Variants in DCDC1 observed in about 807,000 individuals in gnomAD.
The protein encoded by DCDC1 is doublecortin domain containing 1, also known as doublecortin domain-containing protein 1.
Under a neutral mutation model 178.3 loss-of-function variants are expected in DCDC1, and 200 were observed. The ratio of observed to expected loss-of-function variants is 1.12; its 90% CI spans 1.00 to 1.26. The LOEUF is 1.26. Ranked by LOEUF, DCDC1 falls within the 50% of genes most tolerant of loss-of-function variation. The pLI is 0.00. For missense variants in DCDC1, 1,983 were observed against 1,749.2 expected (o/e 1.13, Z -2.38); for synonymous variants, 690 against 604.8 (o/e 1.14, Z -2.07).
In DCDC1 at chr11:30,892,887, T is replaced by G. The variant is rs747913513; in HGVS notation, c.5013A>C (p.Arg1671=). ...SNLYKQPNTK[R]VWIYLNGGRP... Reference sequence around the variant, plus strand: ...TGCCTCCATTTAGATAAATCCACACTCGTTTTGTGTTGGGCTGCTTATACA... The same window carrying G: ...TGCCTCCATTTAGATAAATCCACACGCGTTTTGTGTTGGGCTGCTTATACA... Residue 1671 remains arginine, a synonymous_variant, in exon 36 of 39, where the codon CGA becomes CGC. Transcript: ENST00000684477. 1.2e-6 allele frequency: 2 copies of G among 1,613,888 alleles called. No homozygotes were observed. The highest frequency in any genetic ancestry group is 1.7e-6 in the Non-Finnish European group (2 of 1,179,832).
chr11:31,289,999 T>C (rs757558423), intron 7 of DCDC1, among the ~76,000 whole-genome samples: 10 of 152,040 alleles, frequency 6.6e-5, no homozygotes, highest in Non-Finnish European at 1.3e-4. Flanking sequence ...AAAAAATGTA[T>C]GTGTGTTTCA....
At chr11:30,916,635 GA>G (rs201284625) in intron 26 of DCDC1, among the ~76,000 whole-genome samples, 1 of 151,886 alleles carries the variant, frequency 6.6e-6, no homozygotes, top group Non-Finnish European at 1.5e-5. Context: ...CTGTTTAATA[GA>G]AAAAAACACA....
At chr11:31,330,107 T>C (rs1406082242) in intron 2 of DCDC1, among the ~76,000 whole-genome samples, 2 of 152,178 alleles carry the variant, frequency 1.3e-5, no homozygotes, top group Admixed American at 1.3e-4. Context: ...TGGTGTGAGA[T>C]GGTATCTCAT....
At chr11:31,138,893 C>A (rs1963484231) in intron 9 of DCDC1, among the ~76,000 whole-genome samples, 1 of 152,072 alleles carries the variant, frequency 6.6e-6, no homozygotes. Flanking sequence ...TGAGACACAG[C>A]TAAGTATATC....
intron 36 of DCDC1, among the ~76,000 whole-genome samples, chr11:30,890,886 C>T (rs1943713949): frequency 6.6e-6 from 1 of 152,088 alleles, no homozygotes; most frequent in African/African-American, 2.4e-5. Flanking sequence ...TAATCAACTC[C>T]CTATTGATGA....
chr11:30,986,336 C>CTT (rs1165693386), intron 20 of DCDC1, among the ~76,000 whole-genome samples: 25 of 139,940 alleles, frequency 1.8e-4, no homozygotes, highest in Non-Finnish European at 2.9e-4. Context: ...TTCTCTCTCT[C>CTT]TTTTTTTTTT....
At chr11:31,113,460 C>A (rs1959307821) in intron 11 of DCDC1, among the ~76,000 whole-genome samples, 1 of 141,890 alleles carries the variant, frequency 7.0e-6, no homozygotes, top group Non-Finnish European at 1.5e-5. Context: ...CAACGACAGG[C>A]CCCAGTGTGT....
chr11:30,907,264 AC>A (rs1342747828), intron 29 of DCDC1, among the ~76,000 whole-genome samples: 1 of 152,236 alleles, frequency 6.6e-6, no homozygotes, highest in Non-Finnish European at 1.5e-5. Context: ...CTTTTCGGAG[AC>A]TGTTGGAAGT....
At chr11:31,129,554 A>G (rs1033004940) in intron 10 of DCDC1, among the ~76,000 whole-genome samples, 8 of 152,166 alleles carry the variant, frequency 5.3e-5, no homozygotes, top group Non-Finnish European at 8.8e-5. Flanking sequence ...GTTGAAATAA[A>G]ACTTTATTTA....
chr11:31,160,360 A>G (rs965722361), intron 9 of DCDC1, among the ~76,000 whole-genome samples: 1 of 152,150 alleles, frequency 6.6e-6, no homozygotes, highest in East Asian at 1.9e-4. Flanking sequence ...TTTGTTTCTA[A>G]TAACCCTTTA....
chr11:31,326,516 G>GT (rs1162792480), intron 3 of DCDC1, among the ~76,000 whole-genome samples: 3 of 152,152 alleles, frequency 2.0e-5, no homozygotes, highest in South Asian at 2.1e-4. Context: ...ATTGGCATTT[G>GT]TATAAAGGAA....
chr11:30,945,656 G>A (rs1199964640), intron 21 of DCDC1, among the ~76,000 whole-genome samples: 1 of 152,006 alleles, frequency 6.6e-6, no homozygotes, highest in Admixed American at 6.6e-5. Flanking sequence ...AGGTGCCATT[G>A]CACTTCAGCC....
Position 30,886,542 on chromosome 11 carries a change from C to A in DCDC1, c.5083-5234G>T, listed in dbSNP as rs538830978. ...TTTTCTAACTTGTAGACAGCCATCT[C>A]CTTGTTGTGTCCTGATATGGCAGAG... On this transcript the variant is annotated intron_variant, in intron 36 of 38. Transcript: ENST00000684477. Among the ~76,000 whole-genome samples, 672 of 152,192 alleles carry A rather than the reference C, an allele frequency of 4.4e-3. 2 individuals carry two copies. Among genetic ancestry groups the A allele is most frequent in the African/African-American group, 0.016 (652 of 41,510 alleles).
At chr11:31,107,088 G>A (rs941822848) in intron 12 of DCDC1, 128 bp from the exon 13 acceptor site, 21 of 599,766 alleles carry the variant, frequency 3.5e-5, no homozygotes, top group Non-Finnish European at 4.7e-5. Context: ...AATTCATATA[G>A]AATGTTAAAA....
intron 25 of DCDC1, among the ~76,000 whole-genome samples, chr11:30,917,555 T>A (rs1342634812): frequency 6.6e-6 from 1 of 152,228 alleles, no homozygotes; most frequent in African/African-American, 2.4e-5. Context: ...TGATAGAGAA[T>A]AATATACTAA....
chr11:31,062,118 C>T (rs539640755), intron 20 of DCDC1, among the ~76,000 whole-genome samples: 26 of 152,068 alleles, frequency 1.7e-4, no homozygotes, highest in Non-Finnish European at 3.4e-4. Context: ...GGCAAATACA[C>T]AAACCCCATA....
At chr11:30,915,388 C>A in intron 27 of DCDC1, 123 bp downstream of exon 27, 2 of 998,490 alleles carry the variant, frequency 2.0e-6, no homozygotes, top group East Asian at 5.1e-5. Context: ...GAATTATCAG[C>A]TAAGTTAAAT....
chr11:31,146,162 T>C (rs1426139190), intron 9 of DCDC1, among the ~76,000 whole-genome samples: 1 of 148,548 alleles, frequency 6.7e-6, no homozygotes, highest in Non-Finnish European at 1.5e-5. Flanking sequence ...AACCTCCGCC[T>C]CCCAGGTTCA....
rs772117970 is a variant in DCDC1 at position 30,905,019 on chromosome 11, T to C, written c.4250A>G (p.Tyr1417Cys). The part of the protein sequence containing the change: ...THQKAVKIIA[Y>C]KNGDGYRNGK... ...ATTACGATACCCATCCCCATTTTTG[T>C]ATGCAATTATTTTCACTGCCTTCTG... The change falls in exon 31 of 39, where the codon TAC becomes TGC. Residue 1417 changes from tyrosine to cysteine, a missense_variant. Physicochemically the swap from Tyr to Cys is radical, Grantham distance 194. Transcript: ENST00000684477. The C allele has an allele frequency of 2.5e-5, 40 of 1,613,892 alleles. No individual in the cohort carries two copies. Among genetic ancestry groups the C allele is most frequent in the Non-Finnish European group, 3.3e-5 (39 of 1,179,794 alleles).
Sources: gnomAD v4.1 joint callset for allele counts (sites outside exome capture counted in the v4.1 genomes callset) on GRCh38, gnomAD v4.1.1 for gene constraint, MANE v1.5 for transcripts, NCBI Gene and HGNC (gene_info 2026-07-23, HGNC 2026-07-21) for gene names.